The following CNTNAP2 variants were observed in gnomAD, a reference collection of about 807,000 sequenced individuals.
CNTNAP2 encodes the protein contactin associated protein 2.
CNTNAP2 carries 98 observed loss-of-function variants against 155.2 expected under a neutral mutation model. The observed-to-expected ratio is 0.63, with a 90% CI of 0.54 to 0.75. The LOEUF (loss-of-function observed/expected upper bound fraction) is 0.75, where lower values mean the gene tolerates loss of function less well. CNTNAP2 is among the 30% of genes least tolerant of loss of function. CNTNAP2 has a pLI of 0.00. For synonymous variants in CNTNAP2, 651 were observed against 631.2 expected, an observed-to-expected ratio of 1.03 and a Z score of -0.47; for missense variants, 1,727 against 1,688.1, an observed-to-expected ratio of 1.02 and a Z score of -0.40.
Position 147,634,644 on chromosome 7 carries a change from A to G in CNTNAP2, c.1898-4462A>G, listed in dbSNP as rs535763835. Among the ~76,000 whole-genome samples, 32 of 152,294 alleles carry G rather than the reference A, an allele frequency of 2.1e-4. No individual in the cohort carries two copies. The South Asian group carries it at 5.8e-3, about 28-fold the overall frequency. ...GCTTTCTCAGAAAAAAAATGACAAG[A>G]CGCTGTAAAAATTTTTAATTATTTT... On this transcript the variant is annotated intron_variant, in intron 12 of 23. Transcript: ENST00000361727.
intron 5 of CNTNAP2, among the ~76,000 whole-genome samples, chr7:147,111,999 A>G (rs938711090): frequency 2.6e-5 from 4 of 152,084 alleles, no homozygotes; most frequent in Admixed American, 2.6e-4. Flanking sequence ...TATTCTCCCT[A>G]TCCATGAGCA....
chr7:148,016,539 G>A (rs1194381528), intron 15 of CNTNAP2, among the ~76,000 whole-genome samples: 1 of 152,206 alleles, frequency 6.6e-6, no homozygotes, highest in African/African-American at 2.4e-5. Context: ...AGGTGGAGAC[G>A]TGAAAGAAGA....
chr7:148,072,598 G>T (rs1313646384), intron 15 of CNTNAP2, among the ~76,000 whole-genome samples: 2 of 152,178 alleles, frequency 1.3e-5, no homozygotes, highest in Admixed American at 1.3e-4. Flanking sequence ...CAGGCCATGG[G>T]CCATAGTTTG....
chr7:148,317,756 A>G (rs1585267535), intron 21 of CNTNAP2, among the ~76,000 whole-genome samples: 1 of 151,244 alleles, frequency 6.6e-6, no homozygotes, highest in African/African-American at 2.4e-5. Flanking sequence ...GCTGAAGTGC[A>G]GTGGTGCGAT....
chr7:147,615,510 T>C (rs1801272903), intron 12 of CNTNAP2, among the ~76,000 whole-genome samples: 2 of 152,006 alleles, frequency 1.3e-5, no homozygotes, highest in Non-Finnish European at 2.9e-5. Context: ...ATAATATAAC[T>C]GAGGCAGTAC....
chr7:147,377,595 C>A (rs186516172), intron 9 of CNTNAP2, among the ~76,000 whole-genome samples: 1 of 151,692 alleles, frequency 6.6e-6, no homozygotes, highest in Admixed American at 6.6e-5. Flanking sequence ...TAAGGTGCTT[C>A]TATTTTTACA....
chr7:148,043,057 G>T (rs1250546556), intron 15 of CNTNAP2, among the ~76,000 whole-genome samples: 1 of 152,188 alleles, frequency 6.6e-6, no homozygotes, highest in Non-Finnish European at 1.5e-5. Context: ...GACTTCACCT[G>T]CTAAAAGCAT....
intron 8 of CNTNAP2, among the ~76,000 whole-genome samples, chr7:147,228,590 G>A (rs772796296): frequency 3.9e-5 from 6 of 152,126 alleles, no homozygotes; most frequent in South Asian, 2.1e-4. Flanking sequence ...TTTAAGTAAC[G>A]AAATATCTAA....
rs192434636 is a variant in CNTNAP2 at position 146,181,476 on chromosome 7, T to G, written c.97+64503T>G. Among the ~76,000 whole-genome samples the G allele has an allele frequency of 2.6e-5, 4 of 152,312 alleles. No individual in the cohort carries two copies. The East Asian group carries it at 7.7e-4, about 29-fold the overall frequency. ...AGCATATAGTAACATTTGCAAATCT[T>G]AAGTGTCTAAATCAATGCGGTTTTA... On this transcript the variant is annotated intron_variant, in intron 1 of 23. Transcript: ENST00000361727.
chr7:148,127,944 A>G (rs1282519169), intron 16 of CNTNAP2, among the ~76,000 whole-genome samples: 1 of 152,172 alleles, frequency 6.6e-6, no homozygotes, highest in Non-Finnish European at 1.5e-5. Flanking sequence ...ATCTTGGCTC[A>G]CCATAACCTC....
At chr7:147,386,368 G>A (rs1168098011) in intron 9 of CNTNAP2, among the ~76,000 whole-genome samples, 3 of 152,126 alleles carry the variant, frequency 2.0e-5, no homozygotes, top group African/African-American at 4.8e-5. Context: ...TTGTCAGGTT[G>A]TAAATTTTCC....
chr7:146,205,009 T>C (rs1236515520), intron 1 of CNTNAP2, among the ~76,000 whole-genome samples: 1 of 152,022 alleles, frequency 6.6e-6, no homozygotes. Context: ...CTTCACAGTG[T>C]CCTCCATAAC....
At chr7:146,737,519 A>G (rs765002197) in intron 1 of CNTNAP2, among the ~76,000 whole-genome samples, 1 of 152,122 alleles carries the variant, frequency 6.6e-6, no homozygotes, top group Non-Finnish European at 1.5e-5. Context: ...AATGAGATGG[A>G]ACAGGTATAA....
chr7:146,295,832 A>C (rs564915919), intron 1 of CNTNAP2, among the ~76,000 whole-genome samples: 1 of 151,194 alleles, frequency 6.6e-6, no homozygotes, highest in Admixed American at 6.6e-5. Context: ...TTTATTGCAC[A>C]GCACCGCACT....
intron 1 of CNTNAP2, among the ~76,000 whole-genome samples, chr7:146,353,006 G>A (rs981915005): frequency 3.3e-5 from 5 of 151,692 alleles, no homozygotes; most frequent in Middle Eastern, 3.4e-3. Flanking sequence ...TGCCCACCTC[G>A]GCCTCCCCAA....
intron 10 of CNTNAP2, among the ~76,000 whole-genome samples, chr7:147,447,142 G>A (rs1432926130): frequency 6.6e-6 from 1 of 152,054 alleles, no homozygotes; most frequent in Non-Finnish European, 1.5e-5. Context: ...CTAGATAAGG[G>A]GCGCTTATTT....
At chr7:146,867,076 C>T (rs747606909) in intron 3 of CNTNAP2, among the ~76,000 whole-genome samples, 3 of 151,996 alleles carry the variant, frequency 2.0e-5, no homozygotes, top group Non-Finnish European at 2.9e-5. Context: ...TAGGTAAACA[C>T]GTGTCACAGG....
intron 1 of CNTNAP2, among the ~76,000 whole-genome samples, chr7:146,447,271 G>A (rs1796415688): frequency 6.6e-6 from 1 of 151,904 alleles, no homozygotes; most frequent in African/African-American, 2.4e-5. Context: ...CCAAGAATAT[G>A]GTTTCAGTAA....
intron 13 of CNTNAP2, among the ~76,000 whole-genome samples, chr7:147,710,145 G>A (rs1796381604): frequency 6.6e-6 from 1 of 152,140 alleles, no homozygotes; most frequent in Admixed American, 6.5e-5. Flanking sequence ...TAGAATTTGT[G>A]AGGAGGTATT....
Sources: gnomAD v4.1 joint callset for allele counts (sites outside exome capture counted in the v4.1 genomes callset) on GRCh38, gnomAD v4.1.1 for gene constraint, MANE v1.5 for transcripts, NCBI Gene and HGNC (gene_info 2026-07-23, HGNC 2026-07-21) for gene names.